The following SCHIP1 variants were observed in gnomAD, a reference collection of about 807,000 sequenced individuals.
The protein encoded by SCHIP1 is schwannomin interacting protein 1, also known as schwannomin-interacting protein 1.
In SCHIP1, 8 loss-of-function variants were observed where a neutral mutation model predicts 29.7. The observed-to-expected ratio is 0.27, with a 90% confidence interval of 0.16 to 0.49. The LOEUF is 0.49. SCHIP1 is among the 20% of genes least tolerant of loss of function. SCHIP1 has a pLI of 0.99. For synonymous variants in SCHIP1, 76 were observed against 94.9 expected (o/e 0.80, Z 1.16); for missense variants, 193 against 294.6 (o/e 0.66, Z 2.52).
the SCHIP1 span, among the ~76,000 whole-genome samples, chr3:159,678,641 A>C: frequency 6.6e-6 from 1 of 152,242 alleles, no homozygotes; most frequent in Admixed American, 6.5e-5. Context: ...GATCAACGGC[A>C]CTAGCTGGAA....
At chr3:159,344,321 CA>C in the SCHIP1 span, among the ~76,000 whole-genome samples, 11,516 of 126,214 alleles carry the variant, frequency 0.091, 771 homozygotes, top group African/African-American at 0.22. Context: ...AACTCCATCT[CA>C]AAAAAAAAAA....
chr3:159,437,073 C>T, the SCHIP1 span, among the ~76,000 whole-genome samples: 1 of 152,052 alleles, frequency 6.6e-6, no homozygotes, highest in Non-Finnish European at 1.5e-5. Context: ...TTGCTAGGTC[C>T]ATACTGTAAT....
chr3:159,549,536 G>A, the SCHIP1 span, among the ~76,000 whole-genome samples: 1,853 of 152,140 alleles, frequency 0.012, 28 homozygotes, highest in African/African-American at 0.029. Context: ...CCTCACACAC[G>A]CACAAAGAAG....
chr3:159,315,390 TTTC>T, the SCHIP1 span, among the ~76,000 whole-genome samples: 2 of 96,796 alleles, frequency 2.1e-5, no homozygotes, highest in African/African-American at 8.0e-5. Context: ...TTGTATTTTC[TTTC>T]TTTTTTTTTT....
At chr3:159,520,444 A>C in the SCHIP1 span, among the ~76,000 whole-genome samples, 2 of 152,186 alleles carry the variant, frequency 1.3e-5, no homozygotes, top group Admixed American at 1.3e-4. Context: ...CAAATATGTG[A>C]CTGCTCAAAA....
At chr3:159,764,481 C>A in the SCHIP1 span, 1 of 1,591,624 alleles carries the variant, frequency 6.3e-7, no homozygotes, top group Non-Finnish European at 8.5e-7. The surrounding 1 kb of genome is among the most constrained non-coding windows in gnomAD (Gnocchi z 6.1). Flanking sequence ...GCAGTGACGC[C>A]GGCAGCAGCA....
the SCHIP1 span, among the ~76,000 whole-genome samples, chr3:159,569,587 G>A: frequency 5.3e-5 from 8 of 152,074 alleles, no homozygotes; most frequent in East Asian, 1.9e-4. Flanking sequence ...ATTTGGGTTC[G>A]TTCCAAGTCT....
chr3:159,366,853 T>C, the SCHIP1 span, among the ~76,000 whole-genome samples: 1 of 152,206 alleles, frequency 6.6e-6, no homozygotes, highest in African/African-American at 2.4e-5. Flanking sequence ...ATCACAGGAA[T>C]GCTATTTATT....
At chr3:159,687,759 C>T in the SCHIP1 span, among the ~76,000 whole-genome samples, 41 of 152,302 alleles carry the variant, frequency 2.7e-4, no homozygotes, top group Middle Eastern at 3.4e-3. Context: ...TTGCCCCTCA[C>T]TCTCCGACAA....
the SCHIP1 span, among the ~76,000 whole-genome samples, chr3:159,729,632 A>G: frequency 6.6e-6 from 1 of 152,224 alleles, no homozygotes; most frequent in African/African-American, 2.4e-5. Flanking sequence ...AAATAACAAT[A>G]AACATGCAGA....
At chr3:159,357,501 A>T in the SCHIP1 span, among the ~76,000 whole-genome samples, 2 of 152,316 alleles carry the variant, frequency 1.3e-5, no homozygotes, top group African/African-American at 4.8e-5. Context: ...GAGGACAGGA[A>T]CTCTTGCCTC....
the SCHIP1 span, among the ~76,000 whole-genome samples, chr3:159,507,519 G>A: frequency 7.2e-5 from 11 of 152,310 alleles, no homozygotes; most frequent in East Asian, 1.4e-3. Flanking sequence ...TAGGAGTGGT[G>A]AGAGAGGGCA....
At chr3:159,376,664 G>A in the SCHIP1 span, among the ~76,000 whole-genome samples, 1 of 152,144 alleles carries the variant, frequency 6.6e-6, no homozygotes, top group Non-Finnish European at 1.5e-5. Context: ...CATCTGCCAA[G>A]TGCTGTGTTT....
the SCHIP1 span, among the ~76,000 whole-genome samples, chr3:159,753,218 C>T: frequency 6.6e-6 from 1 of 152,198 alleles, no homozygotes; most frequent in Non-Finnish European, 1.5e-5. Flanking sequence ...CATCCATATG[C>T]TATGATTCCC....
chr3:159,833,212 A>G, the SCHIP1 span, among the ~76,000 whole-genome samples: 43 of 152,336 alleles, frequency 2.8e-4, no homozygotes, highest in Admixed American at 9.2e-4. Flanking sequence ...GAAGTCCTAA[A>G]TGGGTCTCAC....
chr3:159,737,318 C>T, the SCHIP1 span, among the ~76,000 whole-genome samples: 1 of 152,280 alleles, frequency 6.6e-6, no homozygotes, highest in Non-Finnish European at 1.5e-5. Context: ...TTTGTTAAAA[C>T]ACAGATTGCC....
the SCHIP1 span, among the ~76,000 whole-genome samples, chr3:159,275,935 C>T: frequency 1.1e-4 from 16 of 151,992 alleles, no homozygotes; most frequent in Non-Finnish European, 2.4e-4. Context: ...AAAATATGCT[C>T]CCAGATCTCT....
At chr3:159,709,899 C>T in the SCHIP1 span, among the ~76,000 whole-genome samples, 2 of 152,124 alleles carry the variant, frequency 1.3e-5, no homozygotes, top group African/African-American at 4.8e-5. Context: ...AAAAATTGCA[C>T]ACCTTGTAGA....
the SCHIP1 span, chr3:159,764,668 G>T: frequency 6.3e-7 from 1 of 1,593,668 alleles, no homozygotes; most frequent in Non-Finnish European, 8.5e-7. This position sits in a 1 kb window ranked among gnomAD's most constrained non-coding sequence, Gnocchi z 6.1. Context: ...GCCGGAGGAG[G>T]ACGGGGAGGA....
Sources: gnomAD v4.1 joint callset for allele counts (sites outside exome capture counted in the v4.1 genomes callset) on GRCh38, gnomAD v4.1.1 for gene constraint, Gnocchi (gnomAD v3.1) non-coding constraint, MANE v1.5 for transcripts, NCBI Gene and HGNC (gene_info 2026-07-23, HGNC 2026-07-21) for gene names.